Variants in SMG6 observed in about 807,000 individuals in gnomAD.
The protein encoded by SMG6 is SMG6 nonsense mediated mRNA decay factor.
Under a neutral mutation model 142.2 loss-of-function variants are expected in SMG6, and 66 were observed. The ratio of observed to expected loss-of-function variants is 0.46; its 90% CI spans 0.38 to 0.57. The LOEUF (loss-of-function observed/expected upper bound fraction) is 0.57. Among genes scored for constraint, SMG6 ranks in the 20% least tolerant of loss-of-function variants. The pLI is 0.00. For synonymous variants in SMG6, 779 were observed against 702.4 expected (o/e 1.11, Z -1.72); for missense variants, 1,793 against 1,832.0 (o/e 0.98, Z 0.39).
At chr17:2,180,659 C>G (rs753024566) in intron 12 of SMG6, among the ~76,000 whole-genome samples, 20 of 152,060 alleles carry the variant, frequency 1.3e-4, no homozygotes, top group Non-Finnish European at 2.8e-4. Context: ...CCCTGGAATT[C>G]CCCTCAGAGA....
At chr17:2,235,625 ACT>A (rs773450599) in intron 10 of SMG6, 1 of 151,940 alleles carries the variant, frequency 6.6e-6, no homozygotes, top group Non-Finnish European at 1.5e-5. Context: ...GAGACCAAAC[ACT>A]CTCTGTCAGT....
intron 10 of SMG6, among the ~76,000 whole-genome samples, chr17:2,214,909 G>A (rs2072969227): frequency 6.6e-6 from 1 of 152,156 alleles, no homozygotes; most frequent in Non-Finnish European, 1.5e-5. Context: ...TGAGGCAGAG[G>A]GGTCTGTGGT....
chr17:2,103,624 C>T (rs187179800), intron 13 of SMG6, among the ~76,000 whole-genome samples: 1 of 152,324 alleles, frequency 6.6e-6, no homozygotes, highest in African/African-American at 2.4e-5. Flanking sequence ...AGCGGCCTCA[C>T]TGAGCTTGCT....
chr17:2,115,872 A>T (rs2069489727), intron 13 of SMG6, among the ~76,000 whole-genome samples: 1 of 152,018 alleles, frequency 6.6e-6, no homozygotes, highest in African/African-American at 2.4e-5. Context: ...ATGCCAGGGT[A>T]ATTATTTATT....
chr17:2,130,441 A>G (rs2070081622), intron 13 of SMG6, among the ~76,000 whole-genome samples: 1 of 151,914 alleles, frequency 6.6e-6, no homozygotes, highest in African/African-American at 2.4e-5. Flanking sequence ...TATCATGTTC[A>G]TGGATGGGAA....
intron 13 of SMG6, chr17:2,117,918 A>G (rs1261483018): frequency 6.6e-6 from 1 of 152,018 alleles, no homozygotes; most frequent in East Asian, 1.9e-4. Context: ...GGGGGAAAAA[A>G]GTTTTAGTTC....
rs2073018569 is a variant in SMG6, at chr17:2,216,325, GGA to G, written c.2869+20165_2869+20166del. Among the ~76,000 whole-genome samples the G allele has an allele frequency of 2.6e-5, 4 of 152,088 alleles. No individual in the cohort carries two copies. The South Asian group carries it at 8.3e-4, about 32-fold the overall frequency. On this transcript the variant is annotated intron_variant, in intron 10 of 18. Transcript: ENST00000263073. ...ATTTGGCTTTCTACTGTCTTCAGAGGGAGAGAGAGAGGTCCCCACAGTTTGGG... is the reference window on the plus strand; with the variant it reads ...ATTTGGCTTTCTACTGTCTTCAGAGGGAGAGAGAGGTCCCCACAGTTTGGG...
At chr17:2,257,373 C>T (rs1431396459) in intron 8 of SMG6, among the ~76,000 whole-genome samples, 3 of 151,988 alleles carry the variant, frequency 2.0e-5, no homozygotes, top group African/African-American at 7.3e-5. Flanking sequence ...CCACTGCGCC[C>T]GGCCAAAAGA....
intron 13 of SMG6, among the ~76,000 whole-genome samples, chr17:2,126,169 G>A (rs2069870708): frequency 6.6e-6 from 1 of 151,998 alleles, no homozygotes; most frequent in Admixed American, 6.6e-5. Context: ...TTTGACAAGG[G>A]TGTCAAGACC....
At chr17:2,204,473 G>A (rs1377413762) in intron 10 of SMG6, among the ~76,000 whole-genome samples, 6 of 152,298 alleles carry the variant, frequency 3.9e-5, no homozygotes, top group Admixed American at 2.0e-4. Context: ...AACTGCGAAC[G>A]TAATGACTTC....
chr17:2,212,207 C>A (rs1170883573), intron 10 of SMG6, among the ~76,000 whole-genome samples: 2 of 152,092 alleles, frequency 1.3e-5, no homozygotes, highest in African/African-American at 4.8e-5. Context: ...CCAATGGGAT[C>A]CATTCAGCGA....
At chr17:2,202,081 A>ACT (rs1224053108) in intron 10 of SMG6, among the ~76,000 whole-genome samples, 1 of 152,094 alleles carries the variant, frequency 6.6e-6, no homozygotes, top group African/African-American at 2.4e-5. Flanking sequence ...ACAGGTATTT[A>ACT]CTCCCTAAAA....
At chr17:2,087,160 C>A in intron 13 of SMG6, 1 of 1,290,492 alleles carries the variant, frequency 7.7e-7, no homozygotes, top group Non-Finnish European at 1.0e-6. Flanking sequence ...AAGCCTAAAT[C>A]TCATCGTTTT....
chr17:2,161,515 A>G (rs1167783574), intron 13 of SMG6, among the ~76,000 whole-genome samples: 1 of 151,576 alleles, frequency 6.6e-6, no homozygotes, highest in African/African-American at 2.4e-5. Flanking sequence ...TATACCAGTC[A>G]TCATCATTAA....
In SMG6 at chr17:2,071,665, G is replaced by A. The variant is rs900819550; in HGVS notation, c.3682-2734C>T. Reference sequence around the variant, plus strand: ...ACCAAACAACTGCTTCCTGTTCCCCGCATGCCCTCATGGAGTCTCAGGAGA... The same window carrying A: ...ACCAAACAACTGCTTCCTGTTCCCCACATGCCCTCATGGAGTCTCAGGAGA... On this transcript the variant is annotated intron_variant, in intron 15 of 18. Coordinates refer to ENST00000263073, the MANE Select transcript of SMG6 (RefSeq NM_017575.5). The surrounding 1 kb of genome is among the most constrained non-coding windows in gnomAD (Gnocchi z 5.6). Among the ~76,000 whole-genome samples, 4 of 152,114 alleles carry A rather than the reference G, an allele frequency of 2.6e-5. No homozygotes were observed. Among genetic ancestry groups the A allele is most frequent in the Non-Finnish European group, 5.9e-5 (4 of 68,020 alleles).
intron 10 of SMG6, among the ~76,000 whole-genome samples, chr17:2,234,940 G>C (rs533993882): frequency 7.9e-5 from 12 of 152,254 alleles, no homozygotes; most frequent in African/African-American, 2.6e-4. Context: ...TTTGGTGCTG[G>C]AACAATGTCT....
chr17:2,075,565 G>A (rs1388688615), intron 15 of SMG6, among the ~76,000 whole-genome samples: 2 of 152,346 alleles, frequency 1.3e-5, no homozygotes, highest in African/African-American at 4.8e-5. Context: ...CCAGCATGAG[G>A]TGCCAAGAGG....
intron 10 of SMG6, among the ~76,000 whole-genome samples, chr17:2,197,279 C>A (rs1042761888): frequency 3.3e-5 from 5 of 152,132 alleles, no homozygotes; most frequent in Admixed American, 2.6e-4. Context: ...ACTCTTAAAA[C>A]CTGGCCAGGC....
At chr17:2,203,467 G>A (rs528760611) in intron 10 of SMG6, among the ~76,000 whole-genome samples, 2 of 152,276 alleles carry the variant, frequency 1.3e-5, no homozygotes, top group Non-Finnish European at 2.9e-5. Flanking sequence ...CTTGCCAGAC[G>A]TTTTGGGAAG....
Sources: gnomAD v4.1 joint callset for allele counts (sites outside exome capture counted in the v4.1 genomes callset) on GRCh38, gnomAD v4.1.1 for gene constraint, Gnocchi (gnomAD v3.1) non-coding constraint, MANE v1.5 for transcripts, NCBI Gene and HGNC (gene_info 2026-07-23, HGNC 2026-07-21) for gene names.